METTL24: variants seen among roughly 807,000 people sequenced by gnomAD.
METTL24 encodes probable methyltransferase-like protein 24.
Under a neutral mutation model 32.7 loss-of-function variants are expected in METTL24, and 29 were observed. That is an observed-to-expected ratio of 0.89 (90% CI 0.66 to 1.21). The LOEUF (loss-of-function observed/expected upper bound fraction) is 1.21. Among genes scored for constraint, METTL24 ranks in the 50% most tolerant of loss-of-function variants. METTL24 has a pLI of 0.00. For missense variants in METTL24, 439 were observed against 468.1 expected, an observed-to-expected ratio of 0.94 and a Z score of 0.57; for synonymous variants, 163 against 179.5, an observed-to-expected ratio of 0.91 and a Z score of 0.73.
intron 1 of METTL24, among the ~76,000 whole-genome samples, chr6:110,344,217 C>T (rs1408637540): frequency 6.6e-6 from 1 of 152,128 alleles, no homozygotes; most frequent in East Asian, 1.9e-4. Context: ...GTGCCATTCC[C>T]ATAAATGGTC....
At chr6:110,353,771 A>T (rs1374694079) in intron 1 of METTL24, among the ~76,000 whole-genome samples, 1 of 152,134 alleles carries the variant, frequency 6.6e-6, no homozygotes, top group Non-Finnish European at 1.5e-5. Flanking sequence ...TGGGCCCTGT[A>T]TGTTGCATCT....
chr6:110,262,504 A>T (rs1770755292), intron 4 of METTL24, among the ~76,000 whole-genome samples: 1 of 152,206 alleles, frequency 6.6e-6, no homozygotes, highest in Non-Finnish European at 1.5e-5. Context: ...AAAGTCCAGG[A>T]CCAGATGGAT....
At chr6:110,320,829 C>T (rs1053216379) in intron 2 of METTL24, among the ~76,000 whole-genome samples, 19 of 151,952 alleles carry the variant, frequency 1.3e-4, no homozygotes, top group African/African-American at 4.4e-4. Context: ...CTGAGGGGGA[C>T]CTTAGAAATA....
rs1772735631 is a variant in METTL24 at position 110,358,087 on chromosome 6, C to G, written c.186G>C (p.Pro62=). The G allele has an allele frequency of 4.0e-6, 4 of 997,550 alleles. No homozygotes were observed. Among genetic ancestry groups the G allele is most frequent in the African/African-American group, 1.7e-5 (1 of 57,170 alleles). 61.8% of individuals were successfully genotyped at this position (997,550 alleles called of 1,614,324 possible). A position where few individuals can be genotyped will look rare whatever the true frequency, so the allele number is the denominator to read the frequency against. The change falls in exon 1 of 5, where the codon CCG becomes CCC. Residue 62 remains proline, a synonymous_variant. Transcript: ENST00000338882. ...RPPGPHLPPA[P]GQPRGASRRQ... The stretch of plus-strand genomic sequence containing the variant: ...TCCTGCTGGCGCCGCGCGGCTGGCC[C>G]GGCGCGGGCGGCAGGTGCGGCCCAG...
chr6:110,315,797 G>C (rs984613142), intron 2 of METTL24, among the ~76,000 whole-genome samples: 1 of 152,180 alleles, frequency 6.6e-6, no homozygotes, highest in Admixed American at 6.5e-5. Flanking sequence ...GGCTGTGTCA[G>C]GAAGCCTTTG....
intron 3 of METTL24, among the ~76,000 whole-genome samples, chr6:110,314,788 C>G (rs912173832): frequency 3.9e-5 from 6 of 151,984 alleles, no homozygotes; most frequent in East Asian, 1.9e-4. Context: ...ATGGCAAAAC[C>G]CTGTCTCTAC....
chr6:110,349,040 G>T (rs1284183546), intron 1 of METTL24, among the ~76,000 whole-genome samples: 2 of 152,160 alleles, frequency 1.3e-5, no homozygotes, highest in African/African-American at 2.4e-5. Context: ...CTCCCGTGCT[G>T]TATTCAATAC....
rs1197315852 is a variant in METTL24 at position 110,245,218 on chromosome 6, T to G, written c.*728A>C. On this transcript the variant is annotated 3_prime_UTR_variant, in exon 5 of 5. Coordinates refer to ENST00000338882, the MANE Select transcript of METTL24 (RefSeq NM_001123364.3). The stretch of plus-strand genomic sequence containing the variant: ...TCATTCAACCAGTTGAAGGCCTGAA[T>G]AGAACCTAAGGCAGTAAGGAAGAAT... 6.6e-6 allele frequency among the ~76,000 whole-genome samples: 1 copy of G among 152,196 alleles called. No individual in the cohort carries two copies. Among genetic ancestry groups the G allele is most frequent in the Non-Finnish European group, 1.5e-5 (1 of 68,036 alleles).
intron 4 of METTL24, among the ~76,000 whole-genome samples, chr6:110,265,532 A>G (rs2114704191): frequency 6.6e-6 from 1 of 152,298 alleles, no homozygotes; most frequent in Non-Finnish European, 1.5e-5. Flanking sequence ...CTGTGTGGTC[A>G]TGTAACTAAA....
rs1321963517 is a variant in METTL24, at chr6:110,268,879, C to T, written c.787-22619G>A. Among the ~76,000 whole-genome samples, 5 of 152,130 alleles carry T rather than the reference C, an allele frequency of 3.3e-5. No homozygotes were observed. The East Asian group carries it at 9.6e-4, about 29-fold the overall frequency. ...CTCCCTGTTCTGCTACACAGGGGTTCCTCCCTCTAACTCATCCCCTTCCAC... is the reference window on the plus strand; with the variant it reads ...CTCCCTGTTCTGCTACACAGGGGTTTCTCCCTCTAACTCATCCCCTTCCAC... On this transcript the variant is annotated intron_variant, in intron 4 of 4. Transcript: ENST00000338882.
At chr6:110,351,335 G>A (rs1772598482) in intron 1 of METTL24, among the ~76,000 whole-genome samples, 3 of 152,126 alleles carry the variant, frequency 2.0e-5, no homozygotes, top group Non-Finnish European at 2.9e-5. Context: ...TATATCCAAA[G>A]TGCCAACTTA....
intron 1 of METTL24, among the ~76,000 whole-genome samples, chr6:110,352,292 T>C (rs1160677387): frequency 1.3e-5 from 2 of 152,234 alleles, no homozygotes; most frequent in African/African-American, 4.8e-5. Context: ...TGTCTTATAG[T>C]TGTAACTTCA....
At position 110,246,033 on chromosome 6, in the gene METTL24, T is replaced by C. The variant is rs1165150369; in HGVS notation, c.1014A>G (p.Leu338=). 1 of 1,614,108 alleles carries C rather than the reference T, an allele frequency of 6.2e-7. No homozygotes were observed. Among genetic ancestry groups the C allele is most frequent in the African/African-American group, 1.3e-5 (1 of 74,944 alleles). Residue 338 remains leucine, a synonymous_variant, in exon 5 of 5, where the codon TTA becomes TTG. Coordinates refer to ENST00000338882, the MANE Select transcript of METTL24 (RefSeq NM_001123364.3). ...TCTTCAAGAATAGCTGAGGTTTAGA[T>C]AAGTCTTTGTAACTGTGAAAAAGCC... ...DFRLFHSYKD[L]SKPQLFLKKD...
intron 1 of METTL24, among the ~76,000 whole-genome samples, chr6:110,343,637 T>C (rs768328197): frequency 6.6e-5 from 10 of 152,108 alleles, no homozygotes; most frequent in Non-Finnish European, 1.5e-4. Context: ...GTTGAAGGCC[T>C]GAAAATGGAA....
intron 4 of METTL24, among the ~76,000 whole-genome samples, chr6:110,277,742 C>T (rs7767051): frequency 0.13 from 19,332 of 151,936 alleles, 1,537 homozygotes; most frequent in African/African-American, 0.23. Flanking sequence ...TATTCTACAT[C>T]TTGATTTCTC....
At chr6:110,328,760 A>T (rs1235906705) in intron 1 of METTL24, among the ~76,000 whole-genome samples, 2 of 152,224 alleles carry the variant, frequency 1.3e-5, no homozygotes, top group Non-Finnish European at 1.5e-5. Context: ...ATTCAAGACC[A>T]TGTAGCATTT....
At chr6:110,286,602 T>C (rs1354460149) in intron 4 of METTL24, among the ~76,000 whole-genome samples, 1 of 152,170 alleles carries the variant, frequency 6.6e-6, no homozygotes, top group Admixed American at 6.5e-5. Context: ...ACCTTGCCAT[T>C]CATGGCTTCT....
chr6:110,297,020 C>A (rs901910552), intron 4 of METTL24, among the ~76,000 whole-genome samples: 15 of 152,130 alleles, frequency 9.9e-5, no homozygotes, highest in Non-Finnish European at 1.5e-4. Context: ...AAAAAAAAAT[C>A]TCTATGGAAG....
intron 4 of METTL24, among the ~76,000 whole-genome samples, chr6:110,248,065 C>A (rs886777604): frequency 2.0e-5 from 3 of 151,582 alleles, no homozygotes; most frequent in African/African-American, 4.9e-5. Flanking sequence ...GAGTGTGGCA[C>A]CTCTACCCCC....
Sources: allele counts gnomAD v4.1 joint callset (sites outside exome capture counted in the v4.1 genomes callset), GRCh38; gene constraint gnomAD v4.1.1; transcripts MANE v1.5; gene names NCBI Gene and HGNC (gene_info 2026-07-23, HGNC 2026-07-21).